B3GALT1: variants seen among roughly 807,000 people sequenced by gnomAD.
B3GALT1 encodes the protein UDP-Gal:betaGlcNAc beta 1,3-galactosyltransferase, polypeptide 1.
Under a neutral mutation model 23.2 loss-of-function variants are expected in B3GALT1, and 10 were observed. The observed-to-expected ratio is 0.43, with a 90% CI of 0.27 to 0.73. B3GALT1 has a LOEUF of 0.73. B3GALT1 is among the 30% of genes least tolerant of loss of function. The probability of loss-of-function intolerance (pLI) is 0.21; values close to 1 mark genes in which losing one functional copy is unlikely to be tolerated. For synonymous variants in B3GALT1, 156 were observed against 141.5 expected, an observed-to-expected ratio of 1.10 and a Z score of -0.73; for missense variants, 299 against 405.4, an observed-to-expected ratio of 0.74 and a Z score of 2.25.
intron 3 of B3GALT1, among the ~76,000 whole-genome samples, chr2:167,685,178 G>C (rs1377121011): frequency 6.6e-6 from 1 of 152,204 alleles, no homozygotes; most frequent in Non-Finnish European, 1.5e-5. Flanking sequence ...AAAATAACCT[G>C]AAAGTCTGTC....
At chr2:167,389,823 G>A (rs1428955080) in intron 1 of B3GALT1, among the ~76,000 whole-genome samples, 1 of 149,588 alleles carries the variant, frequency 6.7e-6, no homozygotes, top group Non-Finnish European at 1.5e-5. Context: ...AAGGCTGGGG[G>A]ATTGCTTGAG....
chr2:167,431,675 C>T (rs1045659239), intron 1 of B3GALT1, among the ~76,000 whole-genome samples: 4 of 152,116 alleles, frequency 2.6e-5, no homozygotes, highest in African/African-American at 9.7e-5. Flanking sequence ...GAGGTGCATG[C>T]ATGCAAATCA....
At chr2:167,713,947 A>G in intron 3 of B3GALT1, 4 of 1,565,050 alleles carry the variant, frequency 2.6e-6, no homozygotes, top group Non-Finnish European at 3.5e-6. Flanking sequence ...GGCCCCTTGT[A>G]TCCACTGGAA....
At chr2:167,412,996 G>A (rs1698413310) in intron 1 of B3GALT1, among the ~76,000 whole-genome samples, 1 of 152,116 alleles carries the variant, frequency 6.6e-6, no homozygotes, top group Non-Finnish European at 1.5e-5. Context: ...CATCTATTGT[G>A]ATAGAAATCA....
At chr2:167,297,156 ATAT>A (rs554056790) in intron 1 of B3GALT1, among the ~76,000 whole-genome samples, 198 of 152,216 alleles carry the variant, frequency 1.3e-3, no homozygotes, top group African/African-American at 4.5e-3. Context: ...TCAAATTATA[ATAT>A]TTTCAGAGGA....
intron 2 of B3GALT1, among the ~76,000 whole-genome samples, chr2:167,644,675 G>GA (rs1685712807): frequency 6.6e-6 from 1 of 151,506 alleles, no homozygotes; most frequent in African/African-American, 2.4e-5. Flanking sequence ...AGCTACTCGG[G>GA]AGGCTGAGGC....
intron 1 of B3GALT1, among the ~76,000 whole-genome samples, chr2:167,436,609 A>G (rs1698789861): frequency 6.6e-6 from 1 of 152,222 alleles, no homozygotes; most frequent in South Asian, 2.1e-4. Context: ...TTATATCCCT[A>G]GATCCTAGAA....
At chr2:167,770,190 T>G (rs1295360297) in intron 3 of B3GALT1, among the ~76,000 whole-genome samples, 1 of 152,232 alleles carries the variant, frequency 6.6e-6, no homozygotes, top group Non-Finnish European at 1.5e-5. Context: ...CACTATAGCC[T>G]TGAACTTCTG....
chr2:167,811,583 G>A (rs55928456), intron 3 of B3GALT1, among the ~76,000 whole-genome samples: 5,028 of 152,174 alleles, frequency 0.033, 124 homozygotes, highest in South Asian at 0.069. Flanking sequence ...AAATCTCCTT[G>A]ATCTTGATCA....
intron 2 of B3GALT1, among the ~76,000 whole-genome samples, chr2:167,498,823 A>G (rs1042495283): frequency 3.9e-5 from 6 of 152,122 alleles, no homozygotes; most frequent in Non-Finnish European, 8.8e-5. Context: ...TGCCCCTATT[A>G]AAAACCACTG....
chr2:167,726,810 A>G (rs1364357722), intron 3 of B3GALT1, among the ~76,000 whole-genome samples: 4 of 152,222 alleles, frequency 2.6e-5, no homozygotes, highest in African/African-American at 9.6e-5. Flanking sequence ...TAGAATCTGA[A>G]ATAACCTCAA....
intron 3 of B3GALT1, among the ~76,000 whole-genome samples, chr2:167,796,742 C>T (rs999117817): frequency 2.6e-5 from 4 of 152,134 alleles, no homozygotes; most frequent in African/African-American, 7.2e-5. Context: ...CAGAGTGACA[C>T]ACTGCCTCAA....
intron 2 of B3GALT1, among the ~76,000 whole-genome samples, chr2:167,609,126 ATTG>A (rs1207607571): frequency 6.6e-6 from 1 of 152,122 alleles, no homozygotes; most frequent in Non-Finnish European, 1.5e-5. Context: ...TTTCTAATTA[ATTG>A]TTGTTGATGT....
At chr2:167,829,276 G>T (rs1031239709) in intron 4 of B3GALT1, among the ~76,000 whole-genome samples, 3 of 152,126 alleles carry the variant, frequency 2.0e-5, no homozygotes, top group Non-Finnish European at 4.4e-5. Flanking sequence ...GAGGTCAGGA[G>T]TTCGAGACCA....
intron 3 of B3GALT1, among the ~76,000 whole-genome samples, chr2:167,660,305 G>A (rs10497327): frequency 0.059 from 8,928 of 152,074 alleles, 561 homozygotes; most frequent in African/African-American, 0.14. Flanking sequence ...CCACTTTATG[G>A]AAATGGGAAT....
Position 167,355,552 on chromosome 2 carries a change from CTATT to C in B3GALT1, c.-511+62221_-511+62224del, listed in dbSNP as rs373363039. Among the ~76,000 whole-genome samples, 811 of 152,208 alleles carry C rather than the reference CTATT, an allele frequency of 5.3e-3. 9 individuals carry two copies. The highest frequency in any genetic ancestry group is 0.019 in the African/African-American group (782 of 41,528). ...TTTTAAGGAATCTGAACTATCTAGG[CTATT>C]TAAATATAGTGCCATTGTATATACT... On this transcript the variant is annotated intron_variant, in intron 1 of 4. Coordinates refer to ENST00000392690, the MANE Select transcript of B3GALT1 (RefSeq NM_020981.4).
At chr2:167,657,692 T>C (rs1047543460) in intron 3 of B3GALT1, among the ~76,000 whole-genome samples, 5 of 152,260 alleles carry the variant, frequency 3.3e-5, no homozygotes, top group South Asian at 4.1e-4. Flanking sequence ...GATCAGTACC[T>C]ATCAATAGTG....
chr2:167,708,988 T>G (rs1036419009), intron 3 of B3GALT1, among the ~76,000 whole-genome samples: 1 of 152,222 alleles, frequency 6.6e-6, no homozygotes, highest in Non-Finnish European at 1.5e-5. Context: ...TTATGTAACT[T>G]TGATATTTGG....
chr2:167,636,239 G>T (rs1166497303), intron 2 of B3GALT1, among the ~76,000 whole-genome samples: 1 of 151,890 alleles, frequency 6.6e-6, no homozygotes, highest in African/African-American at 2.4e-5. Context: ...GGTGAGCATG[G>T]CAGGGCAGGA....
Sources: gnomAD v4.1 joint callset for allele counts (sites outside exome capture counted in the v4.1 genomes callset) on GRCh38, gnomAD v4.1.1 for gene constraint, MANE v1.5 for transcripts, NCBI Gene and HGNC (gene_info 2026-07-23, HGNC 2026-07-21) for gene names.